Variants in TMEM141 observed in about 807,000 individuals in gnomAD.
TMEM141 encodes the protein transmembrane protein 141.
A neutral mutation model predicts 15.9 loss-of-function variants in TMEM141; 18 were observed. The observed-to-expected ratio is 1.13, with a 90% CI of 0.78 to 1.68. The LOEUF (loss-of-function observed/expected upper bound fraction) is 1.68. TMEM141 is among the 40% of genes most tolerant of loss of function. TMEM141 has a pLI of 0.00. For missense variants in TMEM141, 161 were observed against 139.5 expected (o/e 1.15, Z -0.78); for synonymous variants, 69 against 54.0 (o/e 1.28, Z -1.22).
chr9:136,791,963 T>C lies in TMEM141; in HGVS notation c.138T>C (p.Phe46=), dbSNP rs908557575. The C allele has an allele frequency of 6.2e-7, 1 of 1,614,104 alleles. No individual in the cohort carries two copies. The highest frequency in any genetic ancestry group is 8.5e-7 in the Non-Finnish European group (1 of 1,180,004). The change falls in exon 3 of 5, where the codon TTT becomes TTC. Residue 46 remains phenylalanine (F), a synonymous_variant. Transcript: ENST00000290079. ...TCTTTGCAGGCACCGGCATGGCCTTTGGCTTGCAGATGTTCATTCAGAGGA... is the reference window on the plus strand; with the variant it reads ...TCTTTGCAGGCACCGGCATGGCCTTCGGCTTGCAGATGTTCATTCAGAGGA... ...FTFVTGTGMA[F]GLQMFIQRKF...
At position 136,792,940 on chromosome 9, in the gene TMEM141, G is replaced by A. The variant is rs1347579213; in HGVS notation, c.*108G>A. On this transcript the variant is annotated 3_prime_UTR_variant, in exon 5 of 5. Transcript: ENST00000290079. ...CCTCCCCACACCCTAGGGTACCCCAGTCGTATCCTCTGTCCGCATGTGTGG... is the reference window on the plus strand; with the variant it reads ...CCTCCCCACACCCTAGGGTACCCCAATCGTATCCTCTGTCCGCATGTGTGG... 7.4e-7 allele frequency: 1 copy of A among 1,360,322 alleles called. No homozygotes were observed. The highest frequency in any genetic ancestry group is 9.5e-7 in the Non-Finnish European group (1 of 1,049,468). The allele number at this position is 1,360,322 out of a possible 1,614,324, so 84.3% of individuals were successfully genotyped here.
Position 136,791,754 on chromosome 9 carries a change from A to AGGGCGTTTTCACCTTCGTCACAG in TMEM141, c.100_121+1dup. 1 of 1,613,540 alleles carries AGGGCGTTTTCACCTTCGTCACAG rather than the reference A, an allele frequency of 6.2e-7. No homozygotes were observed. The highest frequency in any genetic ancestry group is 1.1e-5 in the South Asian group (1 of 91,078). ...GCATGCCAGTCACACGCCTTCATGAAGGGCGTTTTCACCTTCGTCACAGGT... is the reference window on the plus strand; with the variant it reads ...GCATGCCAGTCACACGCCTTCATGAAGGGCGTTTTCACCTTCGTCACAGGGGCGTTTTCACCTTCGTCACAGGT... On this transcript the variant is annotated frameshift_variant, in exon 2 of 5. Transcript: ENST00000290079. LOFTEE classifies it high-confidence loss of function.
chr9:136,791,384 G>A lies in TMEM141; in HGVS notation c.14G>A (p.Gly5Asp). The A allele has an allele frequency of 6.4e-7, 1 of 1,561,602 alleles. No homozygotes were observed. Reference sequence around the variant, plus strand: ...GCCCTGCCAACCATGGTGAACTTGGGTCTGTCCCGGGTGGACGACGCCGTG... The same window carrying A: ...GCCCTGCCAACCATGGTGAACTTGGATCTGTCCCGGGTGGACGACGCCGTG... Reference protein sequence around the residue: MVNLGLSRVDDAVAA... With the variant: MVNLDLSRVDDAVAA... The change falls in exon 1 of 5, where the codon GGT (glycine) becomes GAT (aspartate). Residue 5 changes from glycine (G) to aspartate (D), a missense_variant. By Grantham distance (94) the Gly-to-Asp change is moderately conservative (BLOSUM62 -1). Coordinates refer to ENST00000290079, the MANE Select transcript of TMEM141 (RefSeq NM_032928.4).
intron 4 of TMEM141, 105 bp downstream of exon 4, chr9:136,792,463 C>T: frequency 1.0e-6 from 1 of 953,906 alleles, no homozygotes; most frequent in Non-Finnish European, 1.6e-6. Flanking sequence ...AGACAAGGTC[C>T]CTCCCTCTGG....
Position 136,792,359 on chromosome 9 carries a change from G to A in TMEM141, c.313+1G>A, listed in dbSNP as rs879220834. 1 of 1,568,032 alleles carries A rather than the reference G, an allele frequency of 6.4e-7. No individual in the cohort carries two copies. The highest frequency in any genetic ancestry group is 1.9e-5 in the Admixed American group (1 of 53,194). On this transcript the variant is annotated splice_donor_variant, in intron 4 of 4. Transcript: ENST00000290079. LOFTEE classifies it high-confidence loss of function. ...CAGCTCCCCAAAGACAGGAGCACAGGTGAGAGAGCCTGGGGGTTAGCGAGA... is the reference window on the plus strand; with the variant it reads ...CAGCTCCCCAAAGACAGGAGCACAGATGAGAGAGCCTGGGGGTTAGCGAGA...
intron 2 of TMEM141, 82 bp downstream of exon 2, chr9:136,791,859 G>C: frequency 6.2e-7 from 1 of 1,609,182 alleles, no homozygotes; most frequent in South Asian, 1.1e-5. Flanking sequence ...GGGGCGCCAA[G>C]TCACCTGCCC....
At chr9:136,792,208 G>A in intron 3 of TMEM141, 43 bp from the exon 4 acceptor site, 6 of 1,541,522 alleles carry the variant, frequency 3.9e-6, no homozygotes, top group Non-Finnish European at 3.5e-6. Flanking sequence ...CTTAGCCTGG[G>A]AAGCACAGAG....
In TMEM141 at chr9:136,791,413, G is replaced by A; in HGVS notation, c.43G>A (p.Ala15Thr). 6.4e-7 allele frequency: 1 copy of A among 1,559,124 alleles called. No homozygotes were observed. The highest frequency in any genetic ancestry group is 8.7e-7 in the Non-Finnish European group (1 of 1,151,860). The change falls in exon 1 of 5, where the codon GCC becomes ACC. Residue 15 changes from alanine to threonine, a missense_variant. Coordinates refer to ENST00000290079, the MANE Select transcript of TMEM141 (RefSeq NM_032928.4). ...GLSRVDDAVAAKHPGLGEYAA... is the reference protein window; with the variant it reads ...GLSRVDDAVATKHPGLGEYAA... ...GTCCCGGGTGGACGACGCCGTGGCT[G>A]CCAAGCACCCGGTGAGAAGGCCGGT...
Position 136,792,908 on chromosome 9 carries a change from G to A in TMEM141, c.*76G>A, listed in dbSNP as rs1847605467. On this transcript the variant is annotated 3_prime_UTR_variant, in exon 5 of 5. Transcript: ENST00000290079. ...ACAGCCTTCATGCCCCCTGACCCCAGGCCGACCCTCCCCACACCCTAGGGT... is the reference window on the plus strand; with the variant it reads ...ACAGCCTTCATGCCCCCTGACCCCAAGCCGACCCTCCCCACACCCTAGGGT... 3 of 1,437,082 alleles carry A rather than the reference G, an allele frequency of 2.1e-6. No homozygotes were observed. In the East Asian group the frequency reaches 7.7e-5, roughly 37 times the overall value. 89.0% of individuals were successfully genotyped at this position (1,437,082 alleles called of 1,614,324 possible).
Position 136,792,361 on chromosome 9 carries a change from G to C in TMEM141, c.313+3G>C. ...GCTCCCCAAAGACAGGAGCACAGGT[G>C]AGAGAGCCTGGGGGTTAGCGAGAAG... On this transcript the variant is annotated splice_donor_region_variant and intron_variant, in intron 4 of 4. Transcript: ENST00000290079. 6.4e-7 allele frequency: 1 copy of C among 1,565,954 alleles called. No individual in the cohort carries two copies. The highest frequency in any genetic ancestry group is 1.2e-5 in the South Asian group (1 of 85,198).
chr9:136,791,581 G>C lies in TMEM141; in HGVS notation c.55-130G>C. 3 of 1,567,818 alleles carry C rather than the reference G, an allele frequency of 1.9e-6. No individual in the cohort carries two copies. The South Asian group carries it at 3.6e-5, about 19-fold the overall frequency. ...CTCAGGGCGTCCGGGTGGGCATAGGGGAGGTGGGACGTGTCCAAGCGCCCA... is the reference window on the plus strand; with the variant it reads ...CTCAGGGCGTCCGGGTGGGCATAGGCGAGGTGGGACGTGTCCAAGCGCCCA... On this transcript the variant is annotated intron_variant, in intron 1 of 4. Transcript: ENST00000290079.
In TMEM141 at chr9:136,791,395, G is replaced by T. The variant is rs1564344776; in HGVS notation, c.25G>T (p.Val9Leu). 3.2e-6 allele frequency: 5 copies of T among 1,560,798 alleles called. No homozygotes were observed. The highest frequency in any genetic ancestry group is 2.4e-5 in the East Asian group (1 of 41,516). Residue 9 changes from valine (V) to leucine (L), a missense_variant, in exon 1 of 5, where the codon GTG (valine) becomes TTG (leucine). Coordinates refer to ENST00000290079, the MANE Select transcript of TMEM141 (RefSeq NM_032928.4). ...CATGGTGAACTTGGGTCTGTCCCGG[G>T]TGGACGACGCCGTGGCTGCCAAGCA... MVNLGLSR[V>L]DDAVAAKHPG...
chr9:136,792,651 C>T (rs563901139), intron 4 of TMEM141, among the ~76,000 whole-genome samples, 168 bp from the exon 5 acceptor site: 28 of 152,190 alleles, frequency 1.8e-4, no homozygotes, highest in Non-Finnish European at 4.0e-4. Context: ...CACGTGGGCA[C>T]CCGAGAGGAG....
chr9:136,791,921 T>C (rs374801027), intron 2 of TMEM141, 26 bp from the exon 3 acceptor site: 86 of 1,613,804 alleles, frequency 5.3e-5, no homozygotes, highest in Non-Finnish European at 7.0e-5. Context: ...CGGGTACAGG[T>C]TGATGGGGAC....
chr9:136,792,437 C>T lies in TMEM141; in HGVS notation c.313+79C>T, dbSNP rs543308481. The T allele has an allele frequency of 4.2e-6, 5 of 1,201,658 alleles. No homozygotes were observed. In the African/African-American group the frequency reaches 6.0e-5, roughly 14 times the overall value. The allele number at this position is 1,201,658 out of a possible 1,614,324, so 74.4% of individuals were successfully genotyped here. On this transcript the variant is annotated intron_variant, in intron 4 of 4. Transcript: ENST00000290079. Reference sequence around the variant, plus strand: ...AGTTTTGGGCAGCCAAGCCTGGGTGCACCATGCGATAGGCTAGACAAGGTC... The same window carrying T: ...AGTTTTGGGCAGCCAAGCCTGGGTGTACCATGCGATAGGCTAGACAAGGTC...
chr9:136,791,566 C>T (rs1467309662), intron 1 of TMEM141, 142 bp downstream of exon 1: 3 of 1,564,452 alleles, frequency 1.9e-6, no homozygotes, highest in Non-Finnish European at 2.6e-6. Flanking sequence ...CTCAGGGCGT[C>T]CGGGTGGGCA....
At position 136,793,022 on chromosome 9, in the gene TMEM141, A is replaced by G; in HGVS notation, c.*190A>G. On this transcript the variant is annotated 3_prime_UTR_variant, in exon 5 of 5. Transcript: ENST00000290079. ...TGCCCCAACCTGGGACCTGCCCAGGAGGTTGGAGCAGAAAGGGCTCTCCCT... is the reference window on the plus strand; with the variant it reads ...TGCCCCAACCTGGGACCTGCCCAGGGGGTTGGAGCAGAAAGGGCTCTCCCT... 1 of 657,448 alleles carries G rather than the reference A, an allele frequency of 1.5e-6. No homozygotes were observed. The highest frequency in any genetic ancestry group is 5.9e-5 in the South Asian group (1 of 17,060). The allele number at this position is 657,448 out of a possible 1,614,324, so 40.7% of individuals were successfully genotyped here.
At chr9:136,792,519 G>A (rs1008271771) in intron 4 of TMEM141, among the ~76,000 whole-genome samples, 161 bp downstream of exon 4, 5 of 152,250 alleles carry the variant, frequency 3.3e-5, no homozygotes, top group African/African-American at 1.2e-4. Context: ...GGAGCTGGGG[G>A]TGGGCGCAGT....
rs771118167 is a variant in TMEM141, at chr9:136,791,775, C to A, written c.119C>A (p.Thr40Lys). 1 of 1,613,164 alleles carries A rather than the reference C, an allele frequency of 6.2e-7. No homozygotes were observed. Among genetic ancestry groups the A allele is most frequent in the African/African-American group, 1.3e-5 (1 of 74,916 alleles). Residue 40 changes from threonine (T) to lysine (K), a missense_variant and splice_region_variant, in exon 2 of 5, where the codon ACA becomes AAA. Transcript: ENST00000290079. ...ATGAAGGGCGTTTTCACCTTCGTCA[C>A]AGGTAGGCTGCGTCCAGGTGTCCTG... is the stretch of plus-strand genomic sequence containing the variant. ...AFMKGVFTFV[T>K]GTGMAFGLQM...
Sources: allele counts gnomAD v4.1 joint callset (sites outside exome capture counted in the v4.1 genomes callset), GRCh38; gene constraint gnomAD v4.1.1; transcripts MANE v1.5; gene names NCBI Gene and HGNC (gene_info 2026-07-23, HGNC 2026-07-21).